Variants in TRIM43B observed in about 807,000 individuals in gnomAD.
TRIM43B encodes tripartite motif containing 43B.
TRIM43B carries 15 observed loss-of-function variants against 27.0 expected under a neutral mutation model. The ratio of observed to expected loss-of-function variants is 0.55; its 90% CI spans 0.37 to 0.85. The LOEUF (loss-of-function observed/expected upper bound fraction) is 0.85, where lower values mean the gene tolerates loss of function less well. Ranked by LOEUF, TRIM43B falls within the 40% of genes least tolerant of loss-of-function variation. The probability of loss-of-function intolerance (pLI) is 0.00; values close to 1 mark genes in which losing one functional copy is unlikely to be tolerated. For missense variants in TRIM43B, 172 were observed against 289.8 expected (o/e 0.59, Z 2.95); for synonymous variants, 69 against 97.8 (o/e 0.71, Z 1.74).
chr2:95,484,702 C>A (rs939283011), exon 1 of TRIM43B: 1 of 151,748 alleles, frequency 6.6e-6, no homozygotes, highest in African/African-American at 2.4e-5. Context: ...TGGTAGCTTT[C>A]GGAAGTCCCC....
chr2:95,483,043 G>C (rs1683564515), intron 1 of TRIM43B, among the ~76,000 whole-genome samples: 1 of 152,070 alleles, frequency 6.6e-6, no homozygotes, highest in South Asian at 2.1e-4. Flanking sequence ...TAAACTCAAA[G>C]TTTGAGTCTT....
At chr2:95,483,907 A>G (rs1266870308) in intron 1 of TRIM43B, among the ~76,000 whole-genome samples, 1 of 151,888 alleles carries the variant, frequency 6.6e-6, no homozygotes, top group Admixed American at 6.6e-5. Context: ...TTGCTAAAAT[A>G]CAAATAAAAA....
chr2:95,481,620 T>A lies in TRIM43B; in HGVS notation c.482A>T (p.Glu161Val), dbSNP rs761970818. ...CCTCAAGAGGAAGGCTGTTCTTCTCTCCTCATATAGATTTCTCTGATTTTC... is the reference window on the plus strand; with the variant it reads ...CCTCAAGAGGAAGGCTGTTCTTCTCACCTCATATAGATTTCTCTGATTTTC... Residue 161 changes from glutamate (E) to valine (V), a missense_variant, in exon 3 of 7, where the codon GAG (glutamate) becomes GTG (valine). Around this residue, in one of 3 missense-constraint regions of TRIM43B, gnomAD observed 67 missense variants for 66.4 expected, o/e 1.01. Coordinates refer to ENST00000639673, the Ensembl canonical transcript of TRIM43B. 3 of 1,612,588 alleles carry A rather than the reference T, an allele frequency of 1.9e-6. No individual in the cohort carries two copies. The Admixed American group carries it at 5.0e-5, about 27-fold the overall frequency.
intron 4 of TRIM43B, 88 bp downstream of exon 4, chr2:95,480,217 G>C: frequency 8.7e-6 from 13 of 1,495,768 alleles, no homozygotes; most frequent in Non-Finnish European, 1.1e-5. Context: ...CAGGAGATGA[G>C]GAAATAATGT....
rs746312036 is a variant in TRIM43B at position 95,480,392 on chromosome 2, G to A, written c.651C>T (p.Val217=). ...AGTGTTTACTCTTTTGATCCATTTT[G>A]ACCCAACTTCTCTGGAGTTGCTGAA... The change falls in exon 4 of 7, where the codon GTC becomes GTT. Residue 217 remains valine (V), a synonymous_variant. Transcript: ENST00000639673. 8.5e-4 allele frequency: 1,368 copies of A among 1,609,254 alleles called. 3 individuals carry two copies. Among genetic ancestry groups the A allele is most frequent in the Middle Eastern group, 5.6e-3 (34 of 6,044 alleles).
chr2:95,483,729 G>GA (rs1486224308), intron 1 of TRIM43B, among the ~76,000 whole-genome samples: 2 of 151,980 alleles, frequency 1.3e-5, no homozygotes, highest in African/African-American at 4.8e-5. Flanking sequence ...TCTGGAGGCG[G>GA]GGCCTGGAGA....
intron 1 of TRIM43B, among the ~76,000 whole-genome samples, chr2:95,484,347 C>G (rs1394664455): frequency 2.0e-5 from 3 of 151,900 alleles, no homozygotes; most frequent in Non-Finnish European, 4.4e-5. Flanking sequence ...TCCAGCCTGG[C>G]AATAGAGCGT....
intron 4 of TRIM43B, 133 bp downstream of exon 4, chr2:95,480,172 T>C: frequency 3.1e-6 from 4 of 1,310,560 alleles, no homozygotes; most frequent in Non-Finnish European, 3.1e-6. Context: ...ATAGTTTATC[T>C]CTATAACCGG....
At chr2:95,484,060 T>C (rs1205473578) in intron 1 of TRIM43B, among the ~76,000 whole-genome samples, 4 of 125,346 alleles carry the variant, frequency 3.2e-5, no homozygotes, top group Non-Finnish European at 6.7e-5. Flanking sequence ...AAAATACTTA[T>C]ATAAATTTAA....
At chr2:95,481,166 C>T (rs1015912353) in intron 3 of TRIM43B, among the ~76,000 whole-genome samples, 13 of 152,056 alleles carry the variant, frequency 8.5e-5, no homozygotes, top group African/African-American at 2.4e-4. Flanking sequence ...TTCTCCTACT[C>T]GGACTGGCAT....
intron 1 of TRIM43B, among the ~76,000 whole-genome samples, 170 bp downstream of exon 1, chr2:95,484,436 T>C (rs556799370): frequency 6.7e-6 from 1 of 149,202 alleles, no homozygotes; most frequent in African/African-American, 2.5e-5. Flanking sequence ...CATAAACCTA[T>C]GGATTATGTT....
At chr2:95,481,033 T>C (rs1683512576) in intron 3 of TRIM43B, among the ~76,000 whole-genome samples, 1 of 152,092 alleles carries the variant, frequency 6.6e-6, no homozygotes. Context: ...TGTATTGCAC[T>C]GCCATTCTAA....
chr2:95,481,983 A>G (rs895835274), intron 2 of TRIM43B, among the ~76,000 whole-genome samples: 9 of 151,692 alleles, frequency 5.9e-5, no homozygotes, highest in Admixed American at 3.9e-4. Flanking sequence ...TGCTACTCCC[A>G]TACTCATTTG....
chr2:95,484,065 AT>A (rs1198093559), intron 1 of TRIM43B, among the ~76,000 whole-genome samples: 38 of 127,298 alleles, frequency 3.0e-4, no homozygotes, highest in Non-Finnish European at 3.6e-4. Flanking sequence ...ACTTATATAA[AT>A]TTAAAAAAAA....
chr2:95,480,214 T>C, intron 4 of TRIM43B, 91 bp downstream of exon 4: 2 of 1,495,932 alleles, frequency 1.3e-6, no homozygotes, highest in Non-Finnish European at 1.8e-6. Flanking sequence ...GTGCAGGAGA[T>C]GAGGAAATAA....
intron 2 of TRIM43B, among the ~76,000 whole-genome samples, chr2:95,481,986 C>A (rs950038616): frequency 2.0e-5 from 3 of 151,552 alleles, no homozygotes; most frequent in African/African-American, 4.8e-5. Context: ...TACTCCCATA[C>A]TCATTTGTCC....
chr2:95,480,961 A>G (rs892664821), intron 3 of TRIM43B, among the ~76,000 whole-genome samples: 1 of 152,000 alleles, frequency 6.6e-6, no homozygotes, highest in Non-Finnish European at 1.5e-5. Flanking sequence ...TTTAACCCCC[A>G]TCTCTCAAAC....
intron 1 of TRIM43B, among the ~76,000 whole-genome samples, chr2:95,483,072 T>C (rs1006352568): frequency 3.3e-4 from 50 of 152,246 alleles, no homozygotes; most frequent in African/African-American, 1.2e-3. Flanking sequence ...TGAAAATCAG[T>C]AACAGTCTTC....
Position 95,481,783 on chromosome 2 carries a change from A to G in TRIM43B, c.412-93T>C, listed in dbSNP as rs367692247. The G allele has an allele frequency of 2.2e-6, 3 of 1,355,976 alleles. No individual in the cohort carries two copies. In the African/African-American group the frequency reaches 4.5e-5, roughly 20 times the overall value. 84.0% of individuals were successfully genotyped at this position (1,355,976 alleles called of 1,614,324 possible). On this transcript the variant is annotated intron_variant, in intron 2 of 6. Transcript: ENST00000639673. ...CAGGCAAGGGATCTAATATATAAAT[A>G]CATTAGTGAGAGGAGAAAAAAACAA...
Sources: gnomAD v4.1 joint callset for allele counts (sites outside exome capture counted in the v4.1 genomes callset) on GRCh38, gnomAD v4.1.1 for gene constraint, gnomAD v4.1.1 regional missense constraint, MANE v1.5 for transcripts, NCBI Gene and HGNC (gene_info 2026-07-23, HGNC 2026-07-21) for gene names.